Variants in TOGARAM2 observed in about 807,000 individuals in gnomAD.
TOGARAM2 encodes the protein TOG array regulator of axonemal microtubules protein 2.
In TOGARAM2, 85 loss-of-function variants were observed where a neutral mutation model predicts 93.3. The ratio of observed to expected loss-of-function variants is 0.91; its 90% CI spans 0.76 to 1.09. The LOEUF is 1.09. TOGARAM2 is among the 50% of genes least tolerant of loss of function. The pLI is 0.00. For synonymous variants in TOGARAM2, 593 were observed against 552.8 expected (o/e 1.07, Z -1.02); for missense variants, 1,277 against 1,334.5 (o/e 0.96, Z 0.67).
At chr2:29,024,717 G>A (rs149131918) in intron 13 of TOGARAM2, among the ~76,000 whole-genome samples, 1 of 152,302 alleles carries the variant, frequency 6.6e-6, no homozygotes, top group Non-Finnish European at 1.5e-5. Flanking sequence ...GGAGGGGGCC[G>A]TTGCACTCCA....
intron 13 of TOGARAM2, among the ~76,000 whole-genome samples, chr2:29,024,816 C>T (rs1048986392): frequency 6.6e-6 from 1 of 152,144 alleles, no homozygotes; most frequent in African/African-American, 2.4e-5. Flanking sequence ...GCTCCTGTCA[C>T]CCCCAGGAGC....
intron 4 of TOGARAM2, among the ~76,000 whole-genome samples, chr2:29,001,886 T>C (rs1673323069): frequency 6.6e-6 from 1 of 151,768 alleles, no homozygotes; most frequent in Admixed American, 6.6e-5. Flanking sequence ...TCATCACTGA[T>C]ATTTACAAAG....
intron 2 of TOGARAM2, 27 bp downstream of exon 2, chr2:28,994,889 G>C: frequency 1.9e-6 from 3 of 1,551,734 alleles, no homozygotes; most frequent in Non-Finnish European, 1.7e-6. Flanking sequence ...GAGGCCTGCT[G>C]CTGGTGTTTT....
At chr2:29,004,855 GGA>G (rs1260822868) in intron 6 of TOGARAM2, among the ~76,000 whole-genome samples, 2 of 130,562 alleles carry the variant, frequency 1.5e-5, no homozygotes, top group East Asian at 5.4e-4. Flanking sequence ...GCATCTGTGT[GGA>G]GTTGTGTGTG....
chr2:29,020,662 G>T (rs1224610011), intron 10 of TOGARAM2, among the ~76,000 whole-genome samples: 1 of 152,178 alleles, frequency 6.6e-6, no homozygotes, highest in Non-Finnish European at 1.5e-5. Context: ...TGCGGTGAAG[G>T]CGAGGAAGGG....
intron 1 of TOGARAM2, among the ~76,000 whole-genome samples, chr2:28,974,234 T>C (rs1001616331): frequency 6.6e-6 from 1 of 150,954 alleles, no homozygotes; most frequent in Non-Finnish European, 1.5e-5. Context: ...TTCAAGTGAT[T>C]CTCCTGCCTC....
intron 13 of TOGARAM2, 85 bp downstream of exon 13, chr2:29,024,459 G>T: frequency 9.6e-7 from 1 of 1,039,534 alleles, no homozygotes. Flanking sequence ...AAAGAAGGAG[G>T]GAAGGGTGCA....
At chr2:28,972,759 C>T (rs1013391088) in intron 1 of TOGARAM2, among the ~76,000 whole-genome samples, 1 of 152,136 alleles carries the variant, frequency 6.6e-6, no homozygotes, top group Non-Finnish European at 1.5e-5. Flanking sequence ...TCTTACATGT[C>T]CTCCATATTC....
chr2:28,993,941 A>C (rs1672864279), intron 1 of TOGARAM2, among the ~76,000 whole-genome samples: 1 of 152,164 alleles, frequency 6.6e-6, no homozygotes, highest in African/African-American at 2.4e-5. Flanking sequence ...AGAAATTAGG[A>C]GCTGTGGGCT....
At chr2:29,031,233 G>A (rs1665751384) in intron 14 of TOGARAM2, among the ~76,000 whole-genome samples, 1 of 152,176 alleles carries the variant, frequency 6.6e-6, no homozygotes, top group African/African-American at 2.4e-5. Flanking sequence ...TCACAGGTGT[G>A]ATCATTGCAC....
At position 28,966,191 on chromosome 2, in the gene TOGARAM2, A is replaced by G. The variant is rs1671864703; in HGVS notation, c.-147+9494A>G. 3.3e-5 allele frequency among the ~76,000 whole-genome samples: 5 copies of G among 152,218 alleles called. No individual in the cohort carries two copies. In the South Asian group the frequency reaches 8.3e-4, roughly 25 times the overall value. On this transcript the variant is annotated intron_variant, in intron 1 of 6. Coordinates refer to the TOGARAM2 transcript ENST00000401723. ...TTTTTATTAGAGACAGGGTTTCACC[A>G]TGTTGGCCAGGCTGGTCTCAAACTC...
intron 19 of TOGARAM2, chr2:29,049,773 A>G (rs1206453757): frequency 1.3e-5 from 2 of 152,196 alleles, no homozygotes; most frequent in Non-Finnish European, 2.9e-5. Flanking sequence ...GTGACCCAAA[A>G]GGTGCAGTCC....
At chr2:29,023,217 T>C (rs748434870) in intron 12 of TOGARAM2, 26 bp downstream of exon 12, 2 of 1,552,050 alleles carry the variant, frequency 1.3e-6, no homozygotes, top group South Asian at 2.4e-5. Context: ...CTGTGTGCTG[T>C]GCATTTGGCC....
chr2:28,995,219 C>G (rs950401402), intron 2 of TOGARAM2, among the ~76,000 whole-genome samples: 1 of 152,220 alleles, frequency 6.6e-6, no homozygotes, highest in African/African-American at 2.4e-5. Flanking sequence ...GGGTGAACGA[C>G]TCTGTTTCCT....
chr2:28,961,319 T>G (rs1001212205), intron 1 of TOGARAM2, among the ~76,000 whole-genome samples: 7 of 152,074 alleles, frequency 4.6e-5, no homozygotes, highest in African/African-American at 1.7e-4. Context: ...AAAAAAGCTT[T>G]GAGGTATAAT....
At chr2:29,011,620 A>G in intron 7 of TOGARAM2, 119 bp downstream of exon 7, 2 of 1,015,842 alleles carry the variant, frequency 2.0e-6, no homozygotes, top group South Asian at 1.8e-5. Context: ...TGGGCCCTTC[A>G]TTTCACAGCA....
chr2:28,968,049 C>T (rs1179959413), intron 1 of TOGARAM2, among the ~76,000 whole-genome samples: 1 of 151,944 alleles, frequency 6.6e-6, no homozygotes, highest in Non-Finnish European at 1.5e-5. Flanking sequence ...GAACTCCTGA[C>T]GTCAGGTGAT....
At chr2:29,030,300 C>T (rs867765460) in intron 14 of TOGARAM2, among the ~76,000 whole-genome samples, 20 of 152,152 alleles carry the variant, frequency 1.3e-4, no homozygotes, top group East Asian at 5.8e-4. Context: ...ATAAAAAAAT[C>T]ACAAATCACA....
At chr2:28,988,840 G>A (rs1266800152) in intron 1 of TOGARAM2, among the ~76,000 whole-genome samples, 1 of 152,088 alleles carries the variant, frequency 6.6e-6, no homozygotes, top group African/African-American at 2.4e-5. Context: ...CTAAGCTCCC[G>A]ATGATTCCAT....
Sources: allele counts gnomAD v4.1 joint callset (sites outside exome capture counted in the v4.1 genomes callset), GRCh38; gene constraint gnomAD v4.1.1; transcripts MANE v1.5; gene names NCBI Gene and HGNC (gene_info 2026-07-23, HGNC 2026-07-21).